Variants in DISP1 observed in about 807,000 individuals in gnomAD.
DISP1 encodes the protein dispatched RND transporter family member 1.
A neutral mutation model predicts 37.3 loss-of-function variants in DISP1; 30 were observed. That is an observed-to-expected ratio of 0.80 (90% CI 0.60 to 1.09). The LOEUF is 1.09. Among genes scored for constraint, DISP1 ranks in the 50% least tolerant of loss-of-function variants. DISP1 has a pLI of 0.00. For missense variants in DISP1, 1,598 were observed against 1,879.5 expected (o/e 0.85, Z 2.77); for synonymous variants, 634 against 690.2 (o/e 0.92, Z 1.28).
At chr1:222,860,577 A>G (rs920599018) in intron 1 of DISP1, among the ~76,000 whole-genome samples, 1 of 152,126 alleles carries the variant, frequency 6.6e-6, no homozygotes, top group Non-Finnish European at 1.5e-5. Flanking sequence ...TGTTAGAGAT[A>G]GCTGAAATAG....
chr1:222,887,559 C>T (rs1351922398), intron 1 of DISP1, among the ~76,000 whole-genome samples: 4 of 91,448 alleles, frequency 4.4e-5, no homozygotes, highest in East Asian at 2.9e-4. Flanking sequence ...ACTGCAGTGG[C>T]GCAATCTCGG....
At chr1:222,839,748 C>T (rs1191046691) in intron 1 of DISP1, among the ~76,000 whole-genome samples, 2 of 151,982 alleles carry the variant, frequency 1.3e-5, no homozygotes, top group Admixed American at 6.6e-5. Flanking sequence ...TCCTGGCCAA[C>T]ATGGTGAAAC....
At chr1:222,854,779 C>G (rs17535305) in intron 1 of DISP1, among the ~76,000 whole-genome samples, 29,811 of 151,286 alleles carry the variant, frequency 0.2, 3,531 homozygotes, top group Non-Finnish European at 0.26. Flanking sequence ...AAATATTACG[C>G]CTACCCAGAA....
chr1:222,918,237 C>T (rs530630561), intron 1 of DISP1, among the ~76,000 whole-genome samples: 26 of 152,218 alleles, frequency 1.7e-4, no homozygotes, highest in South Asian at 1.2e-3. Flanking sequence ...CACCTGGAAG[C>T]GCAGTATTGG....
rs769279057 is a variant in DISP1, at chr1:222,999,788, C to T, written c.988-2597C>T. On this transcript the variant is annotated intron_variant, in intron 8 of 8. Coordinates refer to ENST00000675850, the MANE Select transcript of DISP1 (RefSeq NM_001377229.1). ...TCCTTTAAATTCAGCGTGTTGGCATCCAACTCAGGGTAGAGAAAACCAGTC... is the reference window on the plus strand; with the variant it reads ...TCCTTTAAATTCAGCGTGTTGGCATTCAACTCAGGGTAGAGAAAACCAGTC... Among the ~76,000 whole-genome samples, 102 of 152,140 alleles carry T rather than the reference C, an allele frequency of 6.7e-4. 1 individual carries two copies. The highest frequency in any genetic ancestry group is 6.2e-4 in the South Asian group (3 of 4,824).
intron 3 of DISP1, among the ~76,000 whole-genome samples, chr1:222,947,864 G>C (rs1462580613): frequency 6.6e-6 from 1 of 152,108 alleles, no homozygotes; most frequent in African/African-American, 2.4e-5. Context: ...GTTGTAGATA[G>C]GAAGAACACT....
rs1336164321 is a variant in DISP1 at position 222,906,115 on chromosome 1, T to TC, written c.-158-22315_-158-22314insC. On this transcript the variant is annotated intron_variant, in intron 1 of 8. Coordinates refer to ENST00000675850, the MANE Select transcript of DISP1 (RefSeq NM_001377229.1). Reference sequence around the variant, plus strand: ...TCAACTTTTAATTACCAGCAGTTACTTTTTTTTAAAAACCTGCCACTTGAG... The same window carrying TC: ...TCAACTTTTAATTACCAGCAGTTACTCTTTTTTTAAAAACCTGCCACTTGAG... 1.1e-4 allele frequency among the ~76,000 whole-genome samples: 17 copies of TC among 152,230 alleles called. No individual in the cohort carries two copies. The South Asian group carries it at 3.5e-3, about 32-fold the overall frequency.
At chr1:222,995,103 G>C (rs1470057660) in intron 8 of DISP1, 121 bp downstream of exon 8, 1 of 788,754 alleles carries the variant, frequency 1.3e-6, no homozygotes, top group African/African-American at 1.7e-5. Flanking sequence ...ACCTACTGAG[G>C]AGTAAACTCC....
At chr1:222,985,124 T>C (rs1241319300) in intron 4 of DISP1, among the ~76,000 whole-genome samples, 2 of 152,182 alleles carry the variant, frequency 1.3e-5, no homozygotes, top group Non-Finnish European at 2.9e-5. Flanking sequence ...AAATTTCTAC[T>C]TTTCTATAAA....
intron 3 of DISP1, 141 bp from the exon 4 acceptor site, chr1:222,982,938 CT>C (rs10626845): frequency 0.035 from 19,693 of 559,066 alleles, no homozygotes; most frequent in East Asian, 0.05. Context: ...AATAGATTGC[CT>C]TTTTTTTTTT....
At chr1:222,946,720 C>T (rs1221015370) in intron 3 of DISP1, among the ~76,000 whole-genome samples, 3 of 152,112 alleles carry the variant, frequency 2.0e-5, no homozygotes, top group Non-Finnish European at 4.4e-5. Flanking sequence ...AAGGAATACA[C>T]AGGGCTAAAG....
chr1:222,867,942 T>C (rs1669289452), intron 1 of DISP1, among the ~76,000 whole-genome samples: 1 of 152,078 alleles, frequency 6.6e-6, no homozygotes, highest in Non-Finnish European at 1.5e-5. Flanking sequence ...AGAGGGAGTT[T>C]TAAAGAGAAA....
At chr1:222,868,088 A>G (rs1404737341) in intron 1 of DISP1, among the ~76,000 whole-genome samples, 1 of 152,174 alleles carries the variant, frequency 6.6e-6, no homozygotes, top group Non-Finnish European at 1.5e-5. Flanking sequence ...AGGTATTAAG[A>G]AAAGACTAGA....
chr1:222,959,432 G>T (rs991622111), intron 3 of DISP1, among the ~76,000 whole-genome samples: 28 of 152,162 alleles, frequency 1.8e-4, no homozygotes, highest in African/African-American at 6.7e-4. Flanking sequence ...TGGGCACGGT[G>T]GCTCACACCT....
chr1:222,868,587 GA>G (rs1669336229), intron 1 of DISP1, among the ~76,000 whole-genome samples: 1 of 151,954 alleles, frequency 6.6e-6, no homozygotes, highest in Admixed American at 6.6e-5. Context: ...TTATTAGAGA[GA>G]TCTAATAAAT....
rs375660164 is a variant in DISP1 at position 222,846,565 on chromosome 1, CA to C, written c.-159+31493del. On this transcript the variant is annotated intron_variant, in intron 1 of 8. Coordinates refer to ENST00000675850, the MANE Select transcript of DISP1 (RefSeq NM_001377229.1). ...GAACTAGGATAGCAGTTCTGCATAT[CA>C]AAAAAGCAGGGAAGAGGAGAAATCT... Among the ~76,000 whole-genome samples, 1,504 of 151,824 alleles carry C rather than the reference CA, an allele frequency of 9.9e-3. 22 individuals carry two copies. Among genetic ancestry groups the C allele is most frequent in the African/African-American group, 0.032 (1,327 of 41,384 alleles).
intron 1 of DISP1, among the ~76,000 whole-genome samples, chr1:222,894,918 C>G (rs1572448600): frequency 6.6e-6 from 1 of 152,098 alleles, no homozygotes; most frequent in Non-Finnish European, 1.5e-5. Context: ...CTTGTAGATT[C>G]CAATTTATTT....
At chr1:222,943,419 A>G in intron 3 of DISP1, 87 bp downstream of exon 3, 3 of 1,565,694 alleles carry the variant, frequency 1.9e-6, no homozygotes, top group Non-Finnish European at 2.6e-6. Flanking sequence ...AAAGGAGAGG[A>G]GAAAAATGAG....
chr1:222,945,247 G>A lies in DISP1; in HGVS notation c.509+1915G>A, dbSNP rs188766722. Reference sequence around the variant, plus strand: ...ATTTTCCAGACTGGCTTTGAGAGTCGTTTAATTATAGGCTATGATAAGAAG... The same window carrying A: ...ATTTTCCAGACTGGCTTTGAGAGTCATTTAATTATAGGCTATGATAAGAAG... On this transcript the variant is annotated intron_variant, in intron 3 of 8. Transcript: ENST00000675850. Among the ~76,000 whole-genome samples, 365 of 152,220 alleles carry A rather than the reference G, an allele frequency of 2.4e-3. 3 individuals are homozygous for A. Among genetic ancestry groups the A allele is most frequent in the African/African-American group, 8.5e-3 (354 of 41,534 alleles).
Sources: gnomAD v4.1 joint callset for allele counts (sites outside exome capture counted in the v4.1 genomes callset) on GRCh38, gnomAD v4.1.1 for gene constraint, MANE v1.5 for transcripts, NCBI Gene and HGNC (gene_info 2026-07-23, HGNC 2026-07-21) for gene names.